EFNA5: variants seen among roughly 807,000 people sequenced by gnomAD.
EFNA5 encodes the protein ephrin A5.
Under a neutral mutation model 22.9 loss-of-function variants are expected in EFNA5, and 5 were observed. That is an observed-to-expected ratio of 0.22 (90% CI 0.11 to 0.46). The LOEUF is 0.46. EFNA5 is among the 20% of genes least tolerant of loss of function. The pLI is 0.99. For synonymous variants in EFNA5, 113 were observed against 112.2 expected (o/e 1.01, Z -0.04); for missense variants, 237 against 293.3 (o/e 0.81, Z 1.40).
At chr5:107,402,702 C>A (rs1252333805) in intron 2 of EFNA5, among the ~76,000 whole-genome samples, 1 of 152,176 alleles carries the variant, frequency 6.6e-6, no homozygotes, top group Non-Finnish European at 1.5e-5. Context: ...TGCCTTATTT[C>A]ATTACATTTA....
intron 1 of EFNA5, among the ~76,000 whole-genome samples, chr5:107,569,859 A>T (rs572003243): frequency 6.6e-6 from 1 of 150,692 alleles, no homozygotes; most frequent in South Asian, 2.1e-4. Flanking sequence ...AAAAGCAAAC[A>T]AACAACACAA....
intron 1 of EFNA5, among the ~76,000 whole-genome samples, chr5:107,464,285 CT>C (rs939041893): frequency 6.6e-6 from 1 of 152,130 alleles, no homozygotes; most frequent in African/African-American, 2.4e-5. Flanking sequence ...CAGAATATCC[CT>C]CCAATCTTCA....
intron 2 of EFNA5, among the ~76,000 whole-genome samples, chr5:107,389,142 T>G (rs2112489503): frequency 6.6e-6 from 1 of 152,308 alleles, no homozygotes; most frequent in Admixed American, 6.5e-5. Flanking sequence ...TGGTCCTCCC[T>G]ATCTCCCCTG....
chr5:107,661,473 G>A (rs1042837424), intron 1 of EFNA5, among the ~76,000 whole-genome samples: 1 of 152,196 alleles, frequency 6.6e-6, no homozygotes, highest in Non-Finnish European at 1.5e-5. Flanking sequence ...ATCCTGCTAC[G>A]ATGGTGGCTC....
At chr5:107,491,500 C>T (rs1321333134) in intron 1 of EFNA5, among the ~76,000 whole-genome samples, 6 of 152,166 alleles carry the variant, frequency 3.9e-5, no homozygotes, top group Middle Eastern at 3.4e-3. Context: ...TTAGTAGAGA[C>T]GGGTTTCACC....
intron 1 of EFNA5, among the ~76,000 whole-genome samples, chr5:107,507,812 A>G (rs1412779384): frequency 6.6e-6 from 1 of 152,338 alleles, no homozygotes; most frequent in South Asian, 2.1e-4. Flanking sequence ...TAATATCACC[A>G]GCATTTTTAA....
intron 1 of EFNA5, among the ~76,000 whole-genome samples, chr5:107,453,890 G>T (rs1299786319): frequency 6.6e-6 from 1 of 152,072 alleles, no homozygotes; most frequent in Non-Finnish European, 1.5e-5. Flanking sequence ...GTTTTGATTA[G>T]AAGAATAATC....
At chr5:107,621,769 G>C (rs190643646) in intron 1 of EFNA5, among the ~76,000 whole-genome samples, 61 of 152,130 alleles carry the variant, frequency 4.0e-4, no homozygotes, top group African/African-American at 1.5e-3. Context: ...AAAATAACGG[G>C]GGATTTAAAA....
chr5:107,441,110 GTATAT>G (rs1194063384), intron 1 of EFNA5, among the ~76,000 whole-genome samples: 5 of 151,354 alleles, frequency 3.3e-5, no homozygotes, highest in Non-Finnish European at 7.4e-5. Context: ...TTTCACCTTG[GTATAT>G]CTCAGATTTC....
chr5:107,494,507 C>T (rs1433278086), intron 1 of EFNA5, among the ~76,000 whole-genome samples: 1 of 152,196 alleles, frequency 6.6e-6, no homozygotes, highest in Non-Finnish European at 1.5e-5. Flanking sequence ...ACCTGCAGCC[C>T]GCCATACCTG....
intron 1 of EFNA5, among the ~76,000 whole-genome samples, chr5:107,561,843 A>ATTTTTTTTAATGTATTTTT (rs1748551788): frequency 6.6e-6 from 1 of 152,120 alleles, no homozygotes; most frequent in Admixed American, 6.5e-5. Flanking sequence ...TTTTATTCCA[A>ATTTTTTTTAATGTATTTTT]CTGACTTTTT....
chr5:107,383,131 T>C (rs1747515158), intron 4 of EFNA5, among the ~76,000 whole-genome samples: 1 of 152,096 alleles, frequency 6.6e-6, no homozygotes, highest in Non-Finnish European at 1.5e-5. Context: ...CAGTGTTGAG[T>C]CTCCTGACCT....
chr5:107,543,868 C>T (rs1748096749), intron 1 of EFNA5, among the ~76,000 whole-genome samples: 1 of 152,066 alleles, frequency 6.6e-6, no homozygotes, highest in Admixed American at 6.5e-5. Context: ...TTTCAAATAC[C>T]GAACCTATAA....
chr5:107,388,444 T>C (rs966856621), intron 2 of EFNA5: 3 of 152,194 alleles, frequency 2.0e-5, no homozygotes, highest in South Asian at 2.1e-4. Context: ...ATTTTTTTTT[T>C]CAATTTGCCA....
chr5:107,644,091 T>C (rs1366746341), intron 1 of EFNA5, among the ~76,000 whole-genome samples: 1 of 152,128 alleles, frequency 6.6e-6, no homozygotes, highest in Non-Finnish European at 1.5e-5. Flanking sequence ...AGTCTTTTCA[T>C]CTCATTAAGT....
intron 1 of EFNA5, among the ~76,000 whole-genome samples, chr5:107,436,832 T>C (rs1030325492): frequency 6.6e-6 from 1 of 152,182 alleles, no homozygotes; most frequent in Admixed American, 6.5e-5. Context: ...AACTGCTTAC[T>C]TCCATGTAGC....
chr5:107,596,763 C>G (rs1749480926), intron 1 of EFNA5, among the ~76,000 whole-genome samples: 1 of 152,148 alleles, frequency 6.6e-6, no homozygotes, highest in African/African-American at 2.4e-5. Flanking sequence ...CCTCCATTCT[C>G]CCCGTCCAAA....
chr5:107,469,220 TC>T (rs1227077109), intron 1 of EFNA5, among the ~76,000 whole-genome samples: 1 of 152,114 alleles, frequency 6.6e-6, no homozygotes, highest in East Asian at 1.9e-4. Context: ...ATGAAGCTGT[TC>T]CCTGCGCTCC....
chr5:107,572,633 C>A (rs1748840312), intron 1 of EFNA5, among the ~76,000 whole-genome samples: 1 of 152,168 alleles, frequency 6.6e-6, no homozygotes, highest in South Asian at 2.1e-4. Flanking sequence ...AGCACATGGA[C>A]ACTGCAGCGT....
Sources: gnomAD v4.1 joint callset for allele counts (sites outside exome capture counted in the v4.1 genomes callset) on GRCh38, gnomAD v4.1.1 for gene constraint, MANE v1.5 for transcripts, NCBI Gene and HGNC (gene_info 2026-07-23, HGNC 2026-07-21) for gene names.